MAGI2: variants seen among roughly 807,000 people sequenced by gnomAD.
The protein encoded by MAGI2 is membrane-associated guanylate kinase, WW and PDZ domain-containing protein 2.
MAGI2 carries 35 observed loss-of-function variants against 133.3 expected under a neutral mutation model. The ratio of observed to expected loss-of-function variants is 0.26; its 90% CI spans 0.20 to 0.35. The LOEUF (loss-of-function observed/expected upper bound fraction) is 0.35. Ranked by LOEUF, MAGI2 falls within the 10% of genes least tolerant of loss-of-function variation. The pLI, the probability that MAGI2 is intolerant of heterozygous loss-of-function variation, is 1.00. For synonymous variants in MAGI2, 729 were observed against 710.6 expected (o/e 1.03, Z -0.41); for missense variants, 1,636 against 1,863.4 (o/e 0.88, Z 2.25).
At chr7:79,227,162 A>T (rs907619582) in intron 1 of MAGI2, among the ~76,000 whole-genome samples, 8 of 152,190 alleles carry the variant, frequency 5.3e-5, no homozygotes, top group African/African-American at 1.9e-4. Context: ...TCTTTCATGC[A>T]GCCATAAATT....
chr7:78,728,861 G>A (rs1455118636), intron 2 of MAGI2, among the ~76,000 whole-genome samples: 3 of 124,308 alleles, frequency 2.4e-5, no homozygotes, highest in East Asian at 3.3e-4. Flanking sequence ...CACCGCGCCC[G>A]GCCCCATCTT....
In MAGI2 at chr7:78,347,042, A is replaced by G. The variant is rs1169816595; in HGVS notation, c.1104-999T>C. On this transcript the variant is annotated intron_variant, in intron 7 of 21. Transcript: ENST00000354212. ...CTTTTAAAGGCAATGAGACTGACAC[A>G]TGGAGAGATCGGATTATTTGCTCTA... 3.3e-5 allele frequency: 5 copies of G among 152,350 alleles called. No homozygotes were observed. The East Asian group carries it at 7.7e-4, about 24-fold the overall frequency. The allele number at this position is 152,350 out of a possible 1,614,324, so 9.4% of individuals were successfully genotyped here.
chr7:78,093,835 C>A (rs62461184), intron 20 of MAGI2, among the ~76,000 whole-genome samples: 4 of 151,998 alleles, frequency 2.6e-5, no homozygotes, highest in Admixed American at 6.6e-5. Flanking sequence ...TTGTGAACCA[C>A]CCAAATGAAA....
At chr7:78,953,594 T>G (rs1309838370) in intron 2 of MAGI2, among the ~76,000 whole-genome samples, 1 of 152,160 alleles carries the variant, frequency 6.6e-6, no homozygotes, top group Non-Finnish European at 1.5e-5. Flanking sequence ...TGTGAATTCT[T>G]AGATCAATAT....
intron 2 of MAGI2, among the ~76,000 whole-genome samples, chr7:78,930,451 G>A (rs1043638167): frequency 1.3e-5 from 2 of 152,046 alleles, no homozygotes; most frequent in Admixed American, 1.3e-4. Flanking sequence ...AGCAGGTGCA[G>A]TTCTGTCTTT....
chr7:79,052,522 T>G (rs1812768187), intron 1 of MAGI2, among the ~76,000 whole-genome samples: 1 of 152,182 alleles, frequency 6.6e-6, no homozygotes, highest in Non-Finnish European at 1.5e-5. Flanking sequence ...TGGCATTGAC[T>G]TGGATGCTCC....
chr7:79,433,278 G>T (rs1014973350), intron 1 of MAGI2, among the ~76,000 whole-genome samples: 1 of 152,050 alleles, frequency 6.6e-6, no homozygotes, highest in Non-Finnish European at 1.5e-5. Flanking sequence ...TTGGCCAGGC[G>T]CGGTGGCTCA....
intron 1 of MAGI2, among the ~76,000 whole-genome samples, chr7:79,206,738 C>G (rs1393230157): frequency 6.6e-6 from 1 of 151,700 alleles, no homozygotes; most frequent in South Asian, 2.1e-4. Context: ...CACCCTGACA[C>G]CAAAAGCAGA....
intron 9 of MAGI2, among the ~76,000 whole-genome samples, chr7:78,324,253 G>T (rs539743028): frequency 8.6e-5 from 13 of 151,540 alleles, no homozygotes; most frequent in African/African-American, 3.1e-4. Context: ...AAAACAGAAG[G>T]CTGGTGGAGA....
At chr7:79,100,614 TA>T (rs1340788652) in intron 1 of MAGI2, among the ~76,000 whole-genome samples, 1 of 151,646 alleles carries the variant, frequency 6.6e-6, no homozygotes, top group Non-Finnish European at 1.5e-5. Context: ...TATGCTAGAA[TA>T]TTTTTTCCTG....
At chr7:78,432,724 C>G (rs1211529274) in intron 6 of MAGI2, among the ~76,000 whole-genome samples, 2 of 151,838 alleles carry the variant, frequency 1.3e-5, no homozygotes, top group Non-Finnish European at 2.9e-5. Context: ...AGTTTATCGA[C>G]CTCCTATGAA....
intron 10 of MAGI2, among the ~76,000 whole-genome samples, chr7:78,205,424 G>A (rs747939035): frequency 6.6e-6 from 1 of 152,164 alleles, no homozygotes; most frequent in Admixed American, 6.5e-5. Flanking sequence ...GAGCCACTGC[G>A]CCTGGCCCAA....
At chr7:78,076,803 G>A (rs1379666109) in intron 21 of MAGI2, among the ~76,000 whole-genome samples, 1 of 123,290 alleles carries the variant, frequency 8.1e-6, no homozygotes, top group African/African-American at 3.2e-5. Flanking sequence ...CCGAGATTGC[G>A]CCACTGCAGT....
chr7:78,397,773 C>T (rs1321082801), intron 6 of MAGI2, among the ~76,000 whole-genome samples: 1 of 152,106 alleles, frequency 6.6e-6, no homozygotes, highest in Non-Finnish European at 1.5e-5. Context: ...TTAGGACCAA[C>T]AATACTCACA....
At chr7:78,802,864 T>C (rs1157974869) in intron 2 of MAGI2, among the ~76,000 whole-genome samples, 1 of 151,670 alleles carries the variant, frequency 6.6e-6, no homozygotes, top group Non-Finnish European at 1.5e-5. Context: ...ATATGAGATA[T>C]CTCCATACCT....
intron 16 of MAGI2, among the ~76,000 whole-genome samples, chr7:78,151,505 AG>A (rs1218938676): frequency 6.6e-6 from 1 of 152,150 alleles, no homozygotes; most frequent in Non-Finnish European, 1.5e-5. Context: ...TCGGAGAACA[AG>A]GGTTTTGCAA....
At chr7:78,936,930 T>C (rs1245270806) in intron 2 of MAGI2, among the ~76,000 whole-genome samples, 1 of 152,032 alleles carries the variant, frequency 6.6e-6, no homozygotes, top group Non-Finnish European at 1.5e-5. Context: ...ATCTATTTTC[T>C]AGCTCTATAT....
At chr7:78,835,423 C>T (rs1345434582) in intron 2 of MAGI2, among the ~76,000 whole-genome samples, 19 of 152,116 alleles carry the variant, frequency 1.2e-4, no homozygotes, top group Non-Finnish European at 1.5e-5. Context: ...CCTGCAAGAA[C>T]AGAAGATAGA....
At chr7:78,685,473 T>C in intron 2 of MAGI2, among the ~76,000 whole-genome samples, 1 of 149,836 alleles carries the variant, frequency 6.7e-6, no homozygotes, top group Middle Eastern at 3.4e-3. Flanking sequence ...GTCGTTTTTT[T>C]TTTTTTTAAC....
Sources: gnomAD v4.1 joint callset for allele counts (sites outside exome capture counted in the v4.1 genomes callset) on GRCh38, gnomAD v4.1.1 for gene constraint, MANE v1.5 for transcripts, NCBI Gene and HGNC (gene_info 2026-07-23, HGNC 2026-07-21) for gene names.